Variants in RABGAP1L observed in about 807,000 individuals in gnomAD.
The protein encoded by RABGAP1L is RAB GTPase activating protein 1 like.
Under a neutral mutation model 137.7 loss-of-function variants are expected in RABGAP1L, and 63 were observed. That is an observed-to-expected ratio of 0.46 (90% CI 0.37 to 0.56). The LOEUF (loss-of-function observed/expected upper bound fraction) is 0.56. Ranked by LOEUF, RABGAP1L falls within the 20% of genes least tolerant of loss-of-function variation. The pLI, the probability that RABGAP1L is intolerant of heterozygous loss-of-function variation, is 0.00. For synonymous variants in RABGAP1L, 431 were observed against 433.7 expected (o/e 0.99, Z 0.08); for missense variants, 1,095 against 1,244.0 (o/e 0.88, Z 1.80).
intron 14 of RABGAP1L, among the ~76,000 whole-genome samples, chr1:174,651,641 G>A (rs1406668107): frequency 2.6e-5 from 4 of 152,106 alleles, no homozygotes; most frequent in Non-Finnish European, 5.9e-5. Context: ...TGTTTTATCA[G>A]AGACTAGGAT....
intron 1 of RABGAP1L, among the ~76,000 whole-genome samples, chr1:174,166,701 TCA>T (rs1165269139): frequency 6.6e-6 from 1 of 152,222 alleles, no homozygotes; most frequent in Non-Finnish European, 1.5e-5. Context: ...GCTGATGATT[TCA>T]CACTTACTGC....
At chr1:174,389,854 T>C (rs1207474073) in intron 12 of RABGAP1L, among the ~76,000 whole-genome samples, 1 of 152,144 alleles carries the variant, frequency 6.6e-6, no homozygotes, top group African/African-American at 2.4e-5. Flanking sequence ...GATTAATAGA[T>C]ATTTGATTTA....
intron 1 of RABGAP1L, among the ~76,000 whole-genome samples, chr1:174,182,522 G>C (rs1173653877): frequency 6.6e-6 from 1 of 152,160 alleles, no homozygotes; most frequent in African/African-American, 2.4e-5. Flanking sequence ...AAGAGGGCCA[G>C]CTGTAGGTTT....
intron 11 of RABGAP1L, among the ~76,000 whole-genome samples, chr1:174,331,686 T>G (rs761042530): frequency 3.3e-5 from 5 of 152,186 alleles, no homozygotes; most frequent in Admixed American, 2.0e-4. Context: ...TTTATTTTAT[T>G]ATTGTTATAC....
intron 13 of RABGAP1L, among the ~76,000 whole-genome samples, chr1:174,607,752 A>G (rs1187040417): frequency 6.6e-6 from 1 of 152,246 alleles, no homozygotes; most frequent in Non-Finnish European, 1.5e-5. Context: ...TATTTGGATA[A>G]TTGGAGCATA....
chr1:174,595,730 G>T (rs1416569232), intron 13 of RABGAP1L, among the ~76,000 whole-genome samples: 43 of 106,342 alleles, frequency 4.0e-4, no homozygotes, highest in East Asian at 1.6e-3. Flanking sequence ...CTCCAGCTGC[G>T]TGCTGGGAGA....
At chr1:174,350,317 GC>G (rs1384580428) in intron 11 of RABGAP1L, among the ~76,000 whole-genome samples, 10 of 93,062 alleles carry the variant, frequency 1.1e-4, no homozygotes, top group African/African-American at 4.2e-4. Flanking sequence ...GGGCGGAGGG[GC>G]TCCTCACTTC....
At chr1:174,182,464 A>G (rs554118290) in intron 1 of RABGAP1L, among the ~76,000 whole-genome samples, 49 of 152,350 alleles carry the variant, frequency 3.2e-4, no homozygotes, top group African/African-American at 1.1e-3. Context: ...TTAGAGGTAA[A>G]GAACAGCTTT....
At chr1:174,556,997 A>T (rs951289606) in intron 13 of RABGAP1L, among the ~76,000 whole-genome samples, 2 of 152,162 alleles carry the variant, frequency 1.3e-5, no homozygotes, top group Non-Finnish European at 2.9e-5. Context: ...TATCTCATCT[A>T]TATATACTCT....
At chr1:174,678,643 C>T (rs1016202587) in intron 14 of RABGAP1L, among the ~76,000 whole-genome samples, 2 of 152,222 alleles carry the variant, frequency 1.3e-5, no homozygotes, top group Non-Finnish European at 1.5e-5. Context: ...TCTTAGAGTT[C>T]CCAAGATGGT....
At chr1:174,415,881 C>T (rs908048538) in intron 13 of RABGAP1L, among the ~76,000 whole-genome samples, 2 of 151,746 alleles carry the variant, frequency 1.3e-5, no homozygotes, top group African/African-American at 4.8e-5. Flanking sequence ...ATTTTTGACT[C>T]ATTCAGTCTT....
rs985327337 is a variant in RABGAP1L at position 174,240,446 on chromosome 1, C to A, written c.543-1037C>A. The stretch of plus-strand genomic sequence containing the variant: ...ATTTATCAGAAGAGATGGGATTTCA[C>A]CGTGTTGGTCAGACTGGTCTTGAAC... On this transcript the variant is annotated intron_variant, in intron 4 of 25. Transcript: ENST00000681986. Among the ~76,000 whole-genome samples the A allele has an allele frequency of 2.6e-5, 4 of 152,198 alleles. No individual in the cohort carries two copies. In the East Asian group the frequency reaches 7.7e-4, roughly 29 times the overall value.
intron 10 of RABGAP1L, among the ~76,000 whole-genome samples, chr1:174,304,192 TTC>T (rs1036052142): frequency 3.3e-5 from 5 of 152,150 alleles, no homozygotes; most frequent in African/African-American, 1.2e-4. Flanking sequence ...CATAAGGTCT[TTC>T]TTCTTTAGTC....
intron 11 of RABGAP1L, among the ~76,000 whole-genome samples, chr1:174,316,942 G>C (rs1679432534): frequency 6.6e-6 from 1 of 152,096 alleles, no homozygotes; most frequent in African/African-American, 2.4e-5. Flanking sequence ...AGGCTACGAG[G>C]AGTACTGCCA....
intron 13 of RABGAP1L, among the ~76,000 whole-genome samples, chr1:174,613,381 T>G (rs1264669952): frequency 2.0e-5 from 3 of 152,290 alleles, no homozygotes; most frequent in East Asian, 3.9e-4. Flanking sequence ...GTGAGTTTCT[T>G]AATCCTGAGT....
intron 14 of RABGAP1L, among the ~76,000 whole-genome samples, chr1:174,649,584 T>G (rs923181410): frequency 3.9e-5 from 6 of 152,142 alleles, no homozygotes; most frequent in East Asian, 1.9e-4. Flanking sequence ...TAGTCTGATG[T>G]GCTTCCCTTT....
At chr1:174,440,569 G>T (rs963366733) in intron 13 of RABGAP1L, among the ~76,000 whole-genome samples, 4 of 152,046 alleles carry the variant, frequency 2.6e-5, no homozygotes, top group Non-Finnish European at 2.9e-5. Flanking sequence ...GTCTCTATTT[G>T]TTTATTTTTT....
At chr1:174,600,141 G>C (rs1670302727) in intron 13 of RABGAP1L, among the ~76,000 whole-genome samples, 1 of 152,162 alleles carries the variant, frequency 6.6e-6, no homozygotes, top group South Asian at 2.1e-4. Flanking sequence ...AGAAACCCCT[G>C]ATAAACCCAG....
intron 14 of RABGAP1L, among the ~76,000 whole-genome samples, chr1:174,673,753 G>A (rs918805496): frequency 2.0e-5 from 3 of 152,076 alleles, no homozygotes; most frequent in African/African-American, 4.8e-5. Context: ...TGCATATGTG[G>A]TACCTAAATC....
Sources: gnomAD v4.1 joint callset for allele counts (sites outside exome capture counted in the v4.1 genomes callset) on GRCh38, gnomAD v4.1.1 for gene constraint, MANE v1.5 for transcripts, NCBI Gene and HGNC (gene_info 2026-07-23, HGNC 2026-07-21) for gene names.